KCNMA1: variants seen among roughly 807,000 people sequenced by gnomAD.
KCNMA1 encodes Calcium-activated potassium channel subunit alpha-1.
Under a neutral mutation model 140.0 loss-of-function variants are expected in KCNMA1, and 29 were observed. The observed-to-expected ratio is 0.21, with a 90% CI of 0.15 to 0.28. The LOEUF (loss-of-function observed/expected upper bound fraction) is 0.28. Ranked by LOEUF, KCNMA1 falls within the 10% of genes least tolerant of loss-of-function variation. The pLI is 1.00. For missense variants in KCNMA1, 880 were observed against 1,602.2 expected (o/e 0.55, Z 7.70); for synonymous variants, 612 against 611.9 (o/e 1.00, Z 0.00).
intron 2 of KCNMA1, among the ~76,000 whole-genome samples, chr10:77,362,740 C>T (rs2094077962): frequency 6.6e-6 from 1 of 152,202 alleles, no homozygotes; most frequent in South Asian, 2.1e-4. Flanking sequence ...AGGAGTCTCC[C>T]CTGGACTATC....
chr10:77,096,848 C>T (rs1040055177), intron 9 of KCNMA1, among the ~76,000 whole-genome samples: 11 of 152,104 alleles, frequency 7.2e-5, no homozygotes, highest in Non-Finnish European at 1.5e-4. Context: ...TTCTGCTGAG[C>T]CTTCTAATTG....
chr10:77,134,947 G>GAGATC (rs1467982076), intron 5 of KCNMA1, among the ~76,000 whole-genome samples: 2 of 119,982 alleles, frequency 1.7e-5, no homozygotes, highest in East Asian at 5.6e-4. Flanking sequence ...GCAGTGAGCT[G>GAGATC]AGATCATGCC....
At chr10:77,296,911 G>GT (rs1565808082) in intron 2 of KCNMA1, among the ~76,000 whole-genome samples, 14 of 148,272 alleles carry the variant, frequency 9.4e-5, no homozygotes, top group African/African-American at 2.7e-4. Flanking sequence ...GGGTGTGTGG[G>GT]CGGGGGGGCG....
At chr10:77,087,035 C>G (rs2096708641) in intron 10 of KCNMA1, among the ~76,000 whole-genome samples, 1 of 152,194 alleles carries the variant, frequency 6.6e-6, no homozygotes, top group Non-Finnish European at 1.5e-5. Context: ...GTAGACTACC[C>G]TCCTTTGTGG....
At chr10:77,068,698 TTGTGTGTGTGTGTG>T in intron 14 of KCNMA1, among the ~76,000 whole-genome samples, 1 of 132,640 alleles carries the variant, frequency 7.5e-6, no homozygotes, top group East Asian at 2.4e-4. Context: ...GTTCCAGGTT[TTGTGTGTGTGTGTG>T]TGTGTGTGTG....
intron 1 of KCNMA1, among the ~76,000 whole-genome samples, chr10:77,547,602 G>A (rs2061739412): frequency 6.6e-6 from 1 of 152,218 alleles, no homozygotes; most frequent in Admixed American, 6.5e-5. Flanking sequence ...TCTCCATGCA[G>A]TAAGGCATCT....
At chr10:77,618,125 GAGACCTTC>G (rs1224945902) in intron 1 of KCNMA1, among the ~76,000 whole-genome samples, 2 of 152,140 alleles carry the variant, frequency 1.3e-5, no homozygotes, top group Non-Finnish European at 2.9e-5. Flanking sequence ...GGGTCCAGCA[GAGACCTTC>G]AGGGGCCCCT....
At chr10:77,128,778 T>C (rs1476593489) in intron 5 of KCNMA1, among the ~76,000 whole-genome samples, 1 of 152,194 alleles carries the variant, frequency 6.6e-6, no homozygotes, top group African/African-American at 2.4e-5. Context: ...CCATGGACAC[T>C]AATTTTCTAC....
chr10:77,506,596 A>AGAGAGAGAGAGAGAGAGGGTGTGTGTGT, intron 1 of KCNMA1, among the ~76,000 whole-genome samples: 1 of 83,532 alleles, frequency 1.2e-5, no homozygotes, highest in African/African-American at 7.5e-5. Context: ...AGAGAGAGAG[A>AGAGAGAGAGAGAGAGAGGGTGTGTGTGT]GTGTGTGTGT....
In KCNMA1 at chr10:77,004,703, G is replaced by T. The variant is rs1593335653; in HGVS notation, c.2093-3123C>A. Among the ~76,000 whole-genome samples the T allele has an allele frequency of 2.0e-5, 3 of 152,232 alleles. No homozygotes were observed. The Middle Eastern group carries it at 0.01, about 518-fold the overall frequency. ...TTAAATTATATCAAAGTTAAGTCAT[G>T]GACCTCCTAATTTGGAAATTACCAC... On this transcript the variant is annotated intron_variant, in intron 18 of 27. Transcript: ENST00000286628.
intron 3 of KCNMA1, among the ~76,000 whole-genome samples, chr10:77,247,457 T>C (rs2058777059): frequency 6.6e-6 from 1 of 151,898 alleles, no homozygotes; most frequent in South Asian, 2.1e-4. Context: ...GCAGCAATGG[T>C]GACATTAGCA....
chr10:77,206,465 T>C (rs1299780323), intron 3 of KCNMA1, among the ~76,000 whole-genome samples: 1 of 152,192 alleles, frequency 6.6e-6, no homozygotes, highest in Non-Finnish European at 1.5e-5. Context: ...TGTTACCTGT[T>C]GTCAAATGTA....
chr10:76,963,765 A>G (rs769326406), intron 20 of KCNMA1, among the ~76,000 whole-genome samples: 1 of 152,232 alleles, frequency 6.6e-6, no homozygotes, highest in Non-Finnish European at 1.5e-5. Flanking sequence ...CAAATTAAAT[A>G]CTAGTCCTCG....
rs528112315 is a variant in KCNMA1, at chr10:77,316,043, T to C, written c.541-64787A>G. Among the ~76,000 whole-genome samples, 8 of 152,342 alleles carry C rather than the reference T, an allele frequency of 5.3e-5. No homozygotes were observed. The South Asian group carries it at 1.7e-3, about 32-fold the overall frequency. ...GTGTGGGATTCAGAAGAGCAATGCTTAGAAACCTGGAGGCTCCCTGGTTGC... is the reference window on the plus strand; with the variant it reads ...GTGTGGGATTCAGAAGAGCAATGCTCAGAAACCTGGAGGCTCCCTGGTTGC... On this transcript the variant is annotated intron_variant, in intron 2 of 27. Coordinates refer to ENST00000286628, the MANE Select transcript of KCNMA1 (RefSeq NM_001161352.2).
intron 3 of KCNMA1, among the ~76,000 whole-genome samples, chr10:77,185,709 C>G (rs1162952877): frequency 6.6e-6 from 1 of 151,508 alleles, no homozygotes; most frequent in Non-Finnish European, 1.5e-5. Context: ...AAGGGTACTA[C>G]TATACAAACT....
chr10:77,373,155 C>T (rs773271781), intron 2 of KCNMA1, among the ~76,000 whole-genome samples: 2 of 152,220 alleles, frequency 1.3e-5, no homozygotes, highest in Non-Finnish European at 2.9e-5. Flanking sequence ...CAACACTCTT[C>T]CTCCAGTGCC....
chr10:77,413,646 G>A (rs2096670260), intron 1 of KCNMA1, among the ~76,000 whole-genome samples: 1 of 152,106 alleles, frequency 6.6e-6, no homozygotes, highest in African/African-American at 2.4e-5. Context: ...CCTAGAGCTG[G>A]TGTCAGGAGT....
intron 2 of KCNMA1, among the ~76,000 whole-genome samples, chr10:77,286,513 G>C (rs2154302570): frequency 6.6e-6 from 1 of 152,286 alleles, no homozygotes; most frequent in South Asian, 2.1e-4. Context: ...TTGTTATCTA[G>C]AGTGATTTCC....
chr10:77,120,092 T>C (rs2097563135), intron 6 of KCNMA1, among the ~76,000 whole-genome samples: 1 of 152,194 alleles, frequency 6.6e-6, no homozygotes, highest in Non-Finnish European at 1.5e-5. Context: ...GGTGTCCTGT[T>C]TTTAATCATT....
Sources: allele counts gnomAD v4.1 joint callset (sites outside exome capture counted in the v4.1 genomes callset), GRCh38; gene constraint gnomAD v4.1.1; transcripts MANE v1.5; gene names NCBI Gene and HGNC (gene_info 2026-07-23, HGNC 2026-07-21).